OGFR: variants seen among roughly 807,000 people sequenced by gnomAD.
OGFR encodes protein 7-60.
In OGFR, 18 loss-of-function variants were observed where a neutral mutation model predicts 33.6. The ratio of observed to expected loss-of-function variants is 0.54; its 90% CI spans 0.37 to 0.80. The LOEUF (loss-of-function observed/expected upper bound fraction) is 0.80, where lower values mean the gene tolerates loss of function less well. Ranked by LOEUF, OGFR falls within the 30% of genes least tolerant of loss-of-function variation. The pLI, the probability that OGFR is intolerant of heterozygous loss-of-function variation, is 0.00. For missense variants in OGFR, 877 were observed against 955.8 expected (o/e 0.92, Z 1.09); for synonymous variants, 370 against 400.7 (o/e 0.92, Z 0.91).
chr20:62,813,625 T>C lies in OGFR; in HGVS notation c.2010T>C (p.Ser670=). ...AAELQDAEVE[S]SAKSGKP ...AGTTGCAGGACGCAGAGGTGGAGTC[T>C]TCTGCCAAGTCTGGGAAGCCTTAAG... Residue 670 remains serine, a synonymous_variant, in exon 7 of 7, where the codon TCT becomes TCC. Coordinates refer to ENST00000290291, the MANE Select transcript of OGFR (RefSeq NM_007346.4). 1 of 1,612,622 alleles carries C rather than the reference T, an allele frequency of 6.2e-7. No individual in the cohort carries two copies. The highest frequency in any genetic ancestry group is 8.5e-7 in the Non-Finnish European group (1 of 1,179,814).
intron 1 of OGFR, chr20:62,807,295 G>C: frequency 1.8e-6 from 1 of 552,560 alleles, no homozygotes; most frequent in Non-Finnish European, 3.2e-6. Flanking sequence ...CCCCCACCTG[G>C]CTACCGCAGC....
rs56931115 is a variant in OGFR at position 62,813,012 on chromosome 20, G to C, written c.1397G>C (p.Gly466Ala). ...RKRRKVDEGA[G>A]DSAAVASGGA... ...CGGAGGAAGGTGGATGAGGGTGCTG[G>C]GGACAGTGCTGCGGTGGCCAGTGGT... The change falls in exon 7 of 7, where the codon GGG becomes GCG. Residue 466 changes from glycine (G) to alanine (A), a missense_variant. Physicochemically the swap from Gly to Ala is moderately conservative, Grantham distance 60. This residue lies in a region of OGFR where 760 missense variants were observed against 736.0 expected (regional missense o/e 1.03). Transcript: ENST00000290291. 1,719 of 1,608,860 alleles carry C rather than the reference G, an allele frequency of 1.1e-3. 23 individuals are homozygous for C. In the African/African-American group the frequency reaches 0.02, roughly 19 times the overall value.
chr20:62,804,941 G>C lies in OGFR; in HGVS notation c.82G>C (p.Gly28Arg), dbSNP rs759030863. Reference protein sequence around the residue: ...EDAEDEDCEDGEAAGARDADA... With the variant: ...EDAEDEDCEDREAAGARDADA... ...CGCGGAGGACGAGGACTGCGAGGAC[G>C]GCGAGGCCGCCGGCGCGAGGGACGC... Residue 28 changes from glycine (G) to arginine (R), a missense_variant, in exon 1 of 7, where the codon GGC (glycine) becomes CGC (arginine). Around this residue, in one of 3 missense-constraint regions of OGFR, gnomAD observed 760 missense variants for 736.0 expected, o/e 1.03. Transcript: ENST00000290291. 2.4e-5 allele frequency: 36 copies of C among 1,493,642 alleles called. No individual in the cohort carries two copies. Among genetic ancestry groups the C allele is most frequent in the Middle Eastern group, 4.7e-4 (2 of 4,258 alleles). The allele number at this position is 1,493,642 out of a possible 1,614,324, so 92.5% of individuals were successfully genotyped here.
rs1364587176 is a variant in OGFR at position 62,813,209 on chromosome 20, G to T, written c.1594G>T (p.Asp532Tyr). Reference protein sequence around the residue: ...PGPSPAGPAGDEPAESPSETP... With the variant: ...PGPSPAGPAGYEPAESPSETP... ...CCCCAGCCCAGCAGGACCTGCAGGG[G>T]ACGAGCCAGCCGAGAGCCCATCGGA... Residue 532 changes from aspartate (D) to tyrosine (Y), a missense_variant, in exon 7 of 7, where the codon GAC becomes TAC. Coordinates refer to ENST00000290291, the MANE Select transcript of OGFR (RefSeq NM_007346.4). The T allele has an allele frequency of 3.9e-6, 6 of 1,527,036 alleles. No individual in the cohort carries two copies. The highest frequency in any genetic ancestry group is 5.4e-6 in the Non-Finnish European group (6 of 1,118,352). 94.6% of individuals were successfully genotyped at this position (1,527,036 alleles called of 1,614,324 possible). A position where few individuals can be genotyped will look rare whatever the true frequency, so the allele number is the denominator to read the frequency against.
rs1349137723 is a variant in OGFR at position 62,809,501 on chromosome 20, CCTT to C, written c.320-83_320-81del. ...GGGGAAGCTGCTGGCAGCACTCTCTCCTTATGTCCCCCACCCACACCCCGTCCT... is the reference window on the plus strand; with the variant it reads ...GGGGAAGCTGCTGGCAGCACTCTCTCATGTCCCCCACCCACACCCCGTCCT... On this transcript the variant is annotated intron_variant, in intron 3 of 6. Coordinates refer to ENST00000290291, the MANE Select transcript of OGFR (RefSeq NM_007346.4). The C allele has an allele frequency of 9.9e-6, 10 of 1,014,396 alleles. No individual in the cohort carries two copies. In the East Asian group the frequency reaches 1.9e-4, roughly 19 times the overall value. 62.8% of individuals were successfully genotyped at this position (1,014,396 alleles called of 1,614,324 possible).
In OGFR at chr20:62,808,228, C is replaced by T; in HGVS notation, c.241-19C>T. ...TGTGTCTGATGGATCCCTGCTGTCCCCTTTCTCTGGCTCTTCAGGATCTGG... is the reference window on the plus strand; with the variant it reads ...TGTGTCTGATGGATCCCTGCTGTCCTCTTTCTCTGGCTCTTCAGGATCTGG... On this transcript the variant is annotated intron_variant, in intron 2 of 6. Transcript: ENST00000290291. 1.9e-6 allele frequency: 3 copies of T among 1,599,824 alleles called. No individual in the cohort carries two copies. Among genetic ancestry groups the T allele is most frequent in the Non-Finnish European group, 2.6e-6 (3 of 1,167,554 alleles).
intron 4 of OGFR, 133 bp from the exon 5 acceptor site, chr20:62,810,366 A>G: frequency 1.3e-6 from 1 of 785,976 alleles, no homozygotes; most frequent in Non-Finnish European, 2.1e-6. Flanking sequence ...TCCTCCACCT[A>G]GCCACTCCCT....
At position 62,804,836 on chromosome 20, in the gene OGFR, G is replaced by A. The variant is rs1175214688; in HGVS notation, c.-24G>A. ...GCTTTCGGTTTCGCTTCCGCCTCCA[G>A]CGCGAGCCCCGCCGCCGCCGAGCAT... On this transcript the variant is annotated 5_prime_UTR_variant, in exon 1 of 7. Transcript: ENST00000290291. The A allele has an allele frequency of 3.3e-6, 4 of 1,204,200 alleles. No individual in the cohort carries two copies. Among genetic ancestry groups the A allele is most frequent in the African/African-American group, 1.7e-5 (1 of 59,402 alleles). The allele number at this position is 1,204,200 out of a possible 1,614,324, so 74.6% of individuals were successfully genotyped here.
intron 2 of OGFR, chr20:62,807,867 G>A (rs1443581471): frequency 6.7e-6 from 4 of 600,362 alleles, no homozygotes; most frequent in East Asian, 2.8e-5. Flanking sequence ...TGCCAGCCTC[G>A]TGATGCACAC....
Position 62,812,795 on chromosome 20 carries a change from CA to C in OGFR, c.1181del (p.Gln394ArgfsTer19). ...KRKLELSRRE[Q>X]PPTEPGPQSA... ...GAAGCTGGAGCTGAGCCGGCGGGAG[CA>C]GCCGCCCACAGAGCCAGGCCCTCAG... On this transcript the variant is annotated frameshift_variant, in exon 7 of 7. Transcript: ENST00000290291. LOFTEE classifies it low-confidence loss of function (END_TRUNC). 3 of 1,612,568 alleles carry C rather than the reference CA, an allele frequency of 1.9e-6. No individual in the cohort carries two copies. Among genetic ancestry groups the C allele is most frequent in the Non-Finnish European group, 2.5e-6 (3 of 1,179,828 alleles).
intron 2 of OGFR, 191 bp downstream of exon 2, chr20:62,807,796 G>A (rs917029235): frequency 3.0e-5 from 19 of 625,198 alleles, no homozygotes; most frequent in African/African-American, 9.2e-5. Flanking sequence ...GCGGGAGACC[G>A]GGGGCATCCC....
At chr20:62,809,068 G>T (rs1450606392) in intron 3 of OGFR, among the ~76,000 whole-genome samples, 1 of 151,858 alleles carries the variant, frequency 6.6e-6, no homozygotes, top group Non-Finnish European at 1.5e-5. Flanking sequence ...AAGCTTCACG[G>T]GCACGTGCCC....
At position 62,811,624 on chromosome 20, in the gene OGFR, G is replaced by GCGGGCGCCCCCCCCCCCC; in HGVS notation, c.614+15_614+16insGGGCGCCCCCCCCCCCCC. On this transcript the variant is annotated intron_variant, in intron 6 of 6. Coordinates refer to ENST00000290291, the MANE Select transcript of OGFR (RefSeq NM_007346.4). ...GAACCTGAACTGGTGAGGCCCGGCT[G>GCGGGCGCCCCCCCCCCCC]CTCCCGCCCACCCCCACCCCGGCGC... 6.4e-7 allele frequency: 1 copy of GCGGGCGCCCCCCCCCCCC among 1,551,508 alleles called. No individual in the cohort carries two copies. The highest frequency in any genetic ancestry group is 8.7e-7 in the Non-Finnish European group (1 of 1,147,398).
chr20:62,812,021 C>T (rs940510004), intron 6 of OGFR, among the ~76,000 whole-genome samples: 18 of 152,240 alleles, frequency 1.2e-4, no homozygotes, highest in African/African-American at 3.6e-4. Flanking sequence ...ATCCCCCTAA[C>T]CCCCGTGTGT....
Position 62,813,566 on chromosome 20 carries a change from A to T in OGFR, c.1951A>T (p.Arg651Trp). ...TPGPSPAGPT[R>W]DEPAKAGEAA... ...AGGCCCCAGCCCGGCAGGACCTACAAGGGATGAGCCAGCCAAGGCGGGGGA... is the reference window on the plus strand; with the variant it reads ...AGGCCCCAGCCCGGCAGGACCTACATGGGATGAGCCAGCCAAGGCGGGGGA... Residue 651 changes from arginine (R) to tryptophan (W), a missense_variant, in exon 7 of 7, where the codon AGG (arginine) becomes TGG (tryptophan). By Grantham distance (101) the Arg-to-Trp change is moderately radical. Around this residue, in one of 3 missense-constraint regions of OGFR, gnomAD observed 45 missense variants for 38.0 expected, o/e 1.19. Transcript: ENST00000290291. 2 of 1,599,100 alleles carry T rather than the reference A, an allele frequency of 1.3e-6. No individual in the cohort carries two copies. Among genetic ancestry groups the T allele is most frequent in the South Asian group, 2.2e-5 (2 of 89,878 alleles).
intron 5 of OGFR, 34 bp downstream of exon 5, chr20:62,810,599 G>A (rs796664989): frequency 5.0e-6 from 8 of 1,605,886 alleles, no homozygotes; most frequent in South Asian, 1.1e-5. Flanking sequence ...TGGAGGGGAA[G>A]ATGGGGAGGC....
At chr20:62,811,943 C>G (rs113012930) in intron 6 of OGFR, among the ~76,000 whole-genome samples, 3 of 152,322 alleles carry the variant, frequency 2.0e-5, no homozygotes, top group African/African-American at 7.2e-5. Context: ...CCTTGTGGCT[C>G]TCATCCAGCC....
rs1990769658 is a variant in OGFR at position 62,812,934 on chromosome 20, T to C, written c.1319T>C (p.Val440Ala). The C allele has an allele frequency of 6.2e-7, 1 of 1,612,220 alleles. No individual in the cohort carries two copies. The highest frequency in any genetic ancestry group is 1.3e-5 in the African/African-American group (1 of 75,012). The change falls in exon 7 of 7, where the codon GTG becomes GCG. Residue 440 changes from valine to alanine, a missense_variant. Physicochemically the swap from Val to Ala is moderately conservative, Grantham distance 64. Around this residue, in one of 3 missense-constraint regions of OGFR, gnomAD observed 760 missense variants for 736.0 expected, o/e 1.03. Transcript: ENST00000290291. ...GGCGGTCAGGACCCTGGGGAGGCAG[T>C]GCAGCCCTGCCGCCAACCCCTGGGA... ...EVGGQDPGEAVQPCRQPLGAR... is the reference protein window; with the variant it reads ...EVGGQDPGEAAQPCRQPLGAR...
Position 62,813,086 on chromosome 20 carries a change from C to A in OGFR, c.1471C>A (p.Pro491Thr), listed in dbSNP as rs1440175291. 2 of 1,579,136 alleles carry A rather than the reference C, an allele frequency of 1.3e-6. No individual in the cohort carries two copies. The highest frequency in any genetic ancestry group is 1.7e-6 in the Non-Finnish European group (2 of 1,162,378). ...CGGGTCCCCTGCCCCATCGGGGCAC[C>A]CCAAGGCTGGACACAGTGAGAACGG... ...LAGSPAPSGH[P>T]KAGHSENGVE... is the part of the protein sequence containing the mutation. Residue 491 changes from proline to threonine, a missense_variant, in exon 7 of 7, where the codon CCC (proline) becomes ACC (threonine). Physicochemically the swap from Pro to Thr is conservative, Grantham distance 38. Transcript: ENST00000290291.
Sources: allele counts gnomAD v4.1 joint callset (sites outside exome capture counted in the v4.1 genomes callset), GRCh38; gene constraint gnomAD v4.1.1; regional missense constraint gnomAD v4.1.1; transcripts MANE v1.5; gene names NCBI Gene and HGNC (gene_info 2026-07-23, HGNC 2026-07-21).